LRTM3: variants seen among roughly 807,000 people sequenced by gnomAD.
LRTM3 encodes the protein leucine-rich repeat transmembrane protein 3.
the LRTM3 span, chr13:102,743,023 T>G: frequency 1.3e-6 from 2 of 1,548,286 alleles, no homozygotes; most frequent in African/African-American, 1.4e-5. Context: ...AAATCTGACT[T>G]TTTGAGAAAA....
At chr13:102,745,036 T>G in the LRTM3 span, 2 of 1,550,910 alleles carry the variant, frequency 1.3e-6, no homozygotes, top group South Asian at 2.4e-5. Flanking sequence ...TTGTGCCATT[T>G]TGGGTCTGGA....
At chr13:102,746,328 C>T in the LRTM3 span, 8 of 1,550,848 alleles carry the variant, frequency 5.2e-6, no homozygotes, top group Non-Finnish European at 7.0e-6. Context: ...AATTTTTCCT[C>T]TCTGTCATGG....
the LRTM3 span, among the ~76,000 whole-genome samples, chr13:102,757,129 T>G: frequency 6.6e-6 from 1 of 152,204 alleles, no homozygotes; most frequent in South Asian, 2.1e-4. Context: ...TTATTCTGAT[T>G]GCACTACTGA....
chr13:102,731,199 C>G, the LRTM3 span: 1 of 1,551,414 alleles, frequency 6.4e-7, no homozygotes, highest in East Asian at 2.4e-5. Context: ...GAAACATCAA[C>G]AATCAGTGTC....
chr13:102,739,969 C>A, the LRTM3 span: 4 of 1,550,392 alleles, frequency 2.6e-6, no homozygotes, highest in Non-Finnish European at 3.5e-6. Context: ...TCTTCCATTT[C>A]GAAGTTCTCC....
chr13:102,738,022 CT>C, the LRTM3 span: 1 of 1,550,468 alleles, frequency 6.4e-7, no homozygotes, highest in Non-Finnish European at 8.7e-7. Flanking sequence ...CTCTATCAAC[CT>C]TTTCTTGTCC....
the LRTM3 span, chr13:102,744,056 C>G: frequency 6.4e-7 from 1 of 1,550,554 alleles, no homozygotes; most frequent in Non-Finnish European, 8.7e-7. Flanking sequence ...GGATGTTGTA[C>G]TCTTAGCATA....
At chr13:102,755,270 C>T in the LRTM3 span, among the ~76,000 whole-genome samples, 1,786 of 142,380 alleles carry the variant, frequency 0.013, 35 homozygotes, top group African/African-American at 0.043. Context: ...AGATAAAATC[C>T]ACTCCATCTC....
chr13:102,734,559 C>T, the LRTM3 span: 2 of 1,550,902 alleles, frequency 1.3e-6, no homozygotes, highest in Non-Finnish European at 1.7e-6. Flanking sequence ...ATATCTGTGC[C>T]TCTCATATCG....
At chr13:102,733,157 C>T in the LRTM3 span, 37 of 1,551,356 alleles carry the variant, frequency 2.4e-5, no homozygotes, top group Admixed American at 5.9e-5. Context: ...AGTGTTCGTC[C>T]TGGTCTTGTG....
chr13:102,732,546 T>G, the LRTM3 span: 2 of 1,551,278 alleles, frequency 1.3e-6, no homozygotes, highest in Non-Finnish European at 1.7e-6. Context: ...TGTAGTTGAA[T>G]GCTTTGTTTT....
chr13:102,758,620 T>C, the LRTM3 span: 2 of 1,518,010 alleles, frequency 1.3e-6, no homozygotes, highest in Non-Finnish European at 1.8e-6. Context: ...AATCGGAGTA[T>C]CAAAATTCAA....
chr13:102,749,913 T>C, the LRTM3 span: 1 of 1,551,426 alleles, frequency 6.4e-7, no homozygotes, highest in Non-Finnish European at 8.7e-7. Context: ...AACTTAGTTT[T>C]GGGTTTTGAA....
chr13:102,735,590 T>C, the LRTM3 span: 1 of 1,551,094 alleles, frequency 6.4e-7, no homozygotes, highest in Non-Finnish European at 8.7e-7. Flanking sequence ...GAGTAGTAAT[T>C]GCTTTGCTTT....
chr13:102,752,022 T>G, the LRTM3 span, among the ~76,000 whole-genome samples: 4 of 152,084 alleles, frequency 2.6e-5, no homozygotes, highest in African/African-American at 9.7e-5. Flanking sequence ...ACCCTTGATA[T>G]CAACCAATGA....
chr13:102,741,351 G>C, the LRTM3 span: 1 of 1,549,384 alleles, frequency 6.5e-7, no homozygotes, highest in Non-Finnish European at 8.7e-7. Context: ...TCAGAATCCA[G>C]AATACTTTCG....
chr13:102,749,721 G>T, the LRTM3 span: 1 of 1,551,264 alleles, frequency 6.4e-7, no homozygotes, highest in African/African-American at 1.4e-5. Flanking sequence ...ATTGATTCTT[G>T]GTTATGATTT....
the LRTM3 span, chr13:102,734,666 A>C: frequency 1.9e-6 from 3 of 1,551,120 alleles, no homozygotes; most frequent in Middle Eastern, 1.7e-4. Context: ...CTCTCTATGT[A>C]CAGTCTCCCC....
chr13:102,739,250 T>C, the LRTM3 span: 3 of 1,550,392 alleles, frequency 1.9e-6, no homozygotes, highest in Non-Finnish European at 2.6e-6. Context: ...AAGTGATTTC[T>C]TTCCTTTCAA....
Sources: gnomAD v4.1 joint callset for allele counts (sites outside exome capture counted in the v4.1 genomes callset) on GRCh38, gnomAD v4.1.1 for gene constraint, MANE v1.5 for transcripts, NCBI Gene and HGNC (gene_info 2026-07-23, HGNC 2026-07-21) for gene names.